Variants in ACYP2 observed in about 807,000 individuals in gnomAD.
ACYP2 encodes the protein acylphosphatase-2.
In ACYP2, 12 loss-of-function variants were observed where a neutral mutation model predicts 11.2. The observed-to-expected ratio is 1.08, with a 90% CI of 0.69 to 1.74. The LOEUF is 1.74. Ranked by LOEUF, ACYP2 falls within the 40% of genes most tolerant of loss-of-function variation. The pLI, the probability that ACYP2 is intolerant of heterozygous loss-of-function variation, is 0.00. For missense variants in ACYP2, 134 were observed against 101.9 expected (o/e 1.31, Z -1.35); for synonymous variants, 43 against 32.2 (o/e 1.33, Z -1.13).
chr2:54,179,470 G>A (rs1490893129), intron 6 of ACYP2, among the ~76,000 whole-genome samples: 1 of 152,196 alleles, frequency 6.6e-6, no homozygotes, highest in East Asian at 1.9e-4. Flanking sequence ...TATTAGGAAA[G>A]TAAAGGAATG....
At position 54,099,708 on chromosome 2, in the gene ACYP2, A is replaced by AT. The variant is rs1344147460; in HGVS notation, c.278-35737dup. Among the ~76,000 whole-genome samples the AT allele has an allele frequency of 9.2e-5, 14 of 151,628 alleles. No homozygotes were observed. The East Asian group carries it at 1.5e-3, about 17-fold the overall frequency. On this transcript the variant is annotated intron_variant, in intron 4 of 6. Coordinates refer to ENST00000607452, the MANE Select transcript of ACYP2 (RefSeq NM_001320586.2). Reference sequence around the variant, plus strand: ...ACACTCAGGTCCATATCTTTTATTTATTTTTTTTAGCTCCATATCTTGACT... The same window carrying AT: ...ACACTCAGGTCCATATCTTTTATTTATTTTTTTTTAGCTCCATATCTTGACT...
intron 6 of ACYP2, among the ~76,000 whole-genome samples, chr2:54,299,289 G>C (rs1689632791): frequency 6.6e-6 from 1 of 152,014 alleles, no homozygotes; most frequent in Admixed American, 6.5e-5. Context: ...AGATGCAATG[G>C]TCACCCTAGA....
intron 4 of ACYP2, among the ~76,000 whole-genome samples, chr2:54,096,878 C>A (rs1034242111): frequency 1.4e-5 from 2 of 147,214 alleles, no homozygotes; most frequent in Admixed American, 6.9e-5. Flanking sequence ...GGGAGCTAAT[C>A]TGTTTTTTAA....
intron 6 of ACYP2, among the ~76,000 whole-genome samples, chr2:54,164,495 C>T (rs546816154): frequency 3.5e-4 from 53 of 152,116 alleles, no homozygotes; most frequent in African/African-American, 1.2e-3. Context: ...TGGTAGGCAC[C>T]GGCACTGGGT....
intron 4 of ACYP2, among the ~76,000 whole-genome samples, chr2:54,098,529 C>T (rs983633360): frequency 6.6e-6 from 1 of 152,078 alleles, no homozygotes; most frequent in Non-Finnish European, 1.5e-5. Context: ...CTTGTTCTCC[C>T]GAGGCAACTT....
chr2:54,023,288 A>G (rs1573542372), intron 2 of ACYP2, among the ~76,000 whole-genome samples: 2 of 152,230 alleles, frequency 1.3e-5, no homozygotes, highest in South Asian at 4.2e-4. Flanking sequence ...GCTAGCTCTT[A>G]TGGAAAGTAT....
intron 6 of ACYP2, among the ~76,000 whole-genome samples, chr2:54,199,846 C>T (rs1347009336): frequency 4.6e-5 from 7 of 152,204 alleles, no homozygotes; most frequent in South Asian, 2.1e-4. Context: ...TTCTGTCATG[C>T]GGGACCCACG....
chr2:54,213,265 T>C (rs1170674375), intron 6 of ACYP2, among the ~76,000 whole-genome samples: 1 of 152,212 alleles, frequency 6.6e-6, no homozygotes, highest in Non-Finnish European at 1.5e-5. Flanking sequence ...GCAAAGGACA[T>C]GATTTCACTC....
At chr2:53,983,624 G>T (rs1671872782) in intron 2 of ACYP2, among the ~76,000 whole-genome samples, 1 of 152,174 alleles carries the variant, frequency 6.6e-6, no homozygotes, top group Admixed American at 6.6e-5. Context: ...AGTATATACG[G>T]CTGAAGCAGA....
At chr2:54,085,564 A>G (rs972185115) in intron 4 of ACYP2, among the ~76,000 whole-genome samples, 1 of 152,198 alleles carries the variant, frequency 6.6e-6, no homozygotes, top group African/African-American at 2.4e-5. Context: ...TTTTGTGACC[A>G]GAAATATGCT....
intron 2 of ACYP2, among the ~76,000 whole-genome samples, chr2:53,976,824 C>T (rs1251904082): frequency 6.6e-6 from 1 of 152,030 alleles, no homozygotes; most frequent in Non-Finnish European, 1.5e-5. Flanking sequence ...ATGAATTTTT[C>T]TCTCATTATT....
intron 4 of ACYP2, among the ~76,000 whole-genome samples, chr2:54,064,960 T>A (rs1676664050): frequency 6.6e-6 from 1 of 152,154 alleles, no homozygotes; most frequent in South Asian, 2.1e-4. Context: ...GGCACAGGCC[T>A]GTAATCCCAG....
chr2:54,030,398 C>T (rs1674520728), intron 2 of ACYP2, among the ~76,000 whole-genome samples: 1 of 152,242 alleles, frequency 6.6e-6, no homozygotes, highest in Non-Finnish European at 1.5e-5. Flanking sequence ...AAGGCTCCTA[C>T]TGACCATATG....
intron 6 of ACYP2, among the ~76,000 whole-genome samples, chr2:54,161,089 C>G (rs527370551): frequency 6.6e-6 from 1 of 152,238 alleles, no homozygotes; most frequent in African/African-American, 2.4e-5. Context: ...AGGGTAAGTT[C>G]CAGCAGTGTG....
intron 2 of ACYP2, among the ~76,000 whole-genome samples, chr2:54,046,300 G>T (rs1261195462): frequency 6.6e-6 from 1 of 151,282 alleles, no homozygotes; most frequent in Non-Finnish European, 1.5e-5. Flanking sequence ...CCAACATGGT[G>T]AAACCCTGTC....
chr2:54,246,722 A>C (rs1330532698), intron 6 of ACYP2, among the ~76,000 whole-genome samples: 1 of 152,094 alleles, frequency 6.6e-6, no homozygotes, highest in African/African-American at 2.4e-5. Flanking sequence ...TCTAATATCT[A>C]ATATCTAGGA....
At chr2:54,125,254 G>GTATATACTATGTCTTTTGTT (rs1680415773) in intron 4 of ACYP2, among the ~76,000 whole-genome samples, 1 of 150,230 alleles carries the variant, frequency 6.7e-6, no homozygotes, top group African/African-American at 2.5e-5. Flanking sequence ...AAGTCTTGTG[G>GTATATACTATGTCTTTTGTT]TTTTTATGTC....
chr2:54,115,582 C>T (rs1389001674), intron 4 of ACYP2, 33 bp from the exon 1 acceptor site: 10 of 1,540,950 alleles, frequency 6.5e-6, no homozygotes, highest in South Asian at 2.4e-5. Context: ...CGTCCGGGAC[C>T]GGTGACAGGC....
chr2:54,012,455 G>A (rs1673425983), intron 2 of ACYP2, among the ~76,000 whole-genome samples: 1 of 152,200 alleles, frequency 6.6e-6, no homozygotes. Flanking sequence ...GGTTGAGGCT[G>A]CAGTGAGCCA....
Sources: allele counts gnomAD v4.1 joint callset (sites outside exome capture counted in the v4.1 genomes callset), GRCh38; gene constraint gnomAD v4.1.1; transcripts MANE v1.5; gene names NCBI Gene and HGNC (gene_info 2026-07-23, HGNC 2026-07-21).